ELK4: variants seen among roughly 807,000 people sequenced by gnomAD.
ELK4 encodes the protein ETS transcription factor ELK4.
A neutral mutation model predicts 29.6 loss-of-function variants in ELK4; 16 were observed. The observed-to-expected ratio is 0.54, with a 90% confidence interval of 0.37 to 0.82. The LOEUF (loss-of-function observed/expected upper bound fraction) is 0.82, where lower values mean the gene tolerates loss of function less well. Ranked by LOEUF, ELK4 falls within the 40% of genes least tolerant of loss-of-function variation. The pLI is 0.00. For missense variants in ELK4, 465 were observed against 507.1 expected, an observed-to-expected ratio of 0.92 and a Z score of 0.80; for synonymous variants, 213 against 191.1, an observed-to-expected ratio of 1.11 and a Z score of -0.95.
intron 1 of ELK4, among the ~76,000 whole-genome samples, chr1:205,628,283 T>C (rs1318464392): frequency 6.6e-6 from 1 of 152,254 alleles, no homozygotes; most frequent in African/African-American, 2.4e-5. Context: ...TGCCTAATGA[T>C]GGCAAGTTAC....
At chr1:205,616,676 T>C (rs756612519) in intron 4 of ELK4, 32 bp from the exon 5 acceptor site, 2 of 1,590,084 alleles carry the variant, frequency 1.3e-6, no homozygotes, top group Non-Finnish European at 1.7e-6. Context: ...ATTATCATCC[T>C]ATTACTCAAC....
In ELK4 at chr1:205,610,768, T is replaced by TAC. The variant is rs1670138561; in HGVS notation, c.*5776_*5777dup. On this transcript the variant is annotated 3_prime_UTR_variant, in exon 5 of 5. Coordinates refer to ENST00000357992, the MANE Select transcript of ELK4 (RefSeq NM_001973.4). Reference sequence around the variant, plus strand: ...TGTATGTTCCCTATGAAAACAGATTTACACGCGCACACACACACACACACA... The same window carrying TAC: ...TGTATGTTCCCTATGAAAACAGATTTACACACGCGCACACACACACACACACA... 1 of 231,222 alleles carries TAC rather than the reference T, an allele frequency of 4.3e-6. No homozygotes were observed. Among genetic ancestry groups the TAC allele is most frequent in the Non-Finnish European group, 8.5e-6 (1 of 117,548 alleles). The allele number at this position is 231,222 out of a possible 1,614,324, so 14.3% of individuals were successfully genotyped here.
Position 205,611,910 on chromosome 1 carries a change from A to G in ELK4, c.*4636T>C, listed in dbSNP as rs556809700. 2 of 187,010 alleles carry G rather than the reference A, an allele frequency of 1.1e-5. No homozygotes were observed. The highest frequency in any genetic ancestry group is 3.9e-4 in the South Asian group (2 of 5,160). The allele number at this position is 187,010 out of a possible 1,614,324, so 11.6% of individuals were successfully genotyped here. On this transcript the variant is annotated 3_prime_UTR_variant, in exon 5 of 5. Coordinates refer to ENST00000357992, the MANE Select transcript of ELK4 (RefSeq NM_001973.4). ...GAAAAGTATTCCTTTAGTTGCTGAAATATCAGATTTTAAAAATCAAAAACT... is the reference window on the plus strand; with the variant it reads ...GAAAAGTATTCCTTTAGTTGCTGAAGTATCAGATTTTAAAAATCAAAAACT...
intron 1 of ELK4, chr1:205,625,469 G>T: frequency 1.5e-6 from 1 of 659,912 alleles, no homozygotes; most frequent in East Asian, 2.8e-5. Context: ...TAGTTCAGCC[G>T]GGTTCCCAAC....
intron 1 of ELK4, chr1:205,626,117 C>A: frequency 1.2e-6 from 1 of 810,988 alleles, no homozygotes; most frequent in Non-Finnish European, 2.2e-6. Flanking sequence ...TCTTTCTCTA[C>A]GTTGCCTACA....
intron 4 of ELK4, among the ~76,000 whole-genome samples, chr1:205,617,761 C>T (rs1670258088): frequency 6.6e-6 from 1 of 151,916 alleles, no homozygotes; most frequent in Non-Finnish European, 1.5e-5. Context: ...ATTAGCCTAG[C>T]ATGGTGGCAC....
In ELK4 at chr1:205,624,742, C is replaced by T. The variant is rs114411959; in HGVS notation, c.-9-851G>A. Among the ~76,000 whole-genome samples the T allele has an allele frequency of 4.7e-3, 714 of 152,258 alleles. 9 individuals are homozygous for T. The highest frequency in any genetic ancestry group is 0.016 in the African/African-American group (676 of 41,542). On this transcript the variant is annotated intron_variant, in intron 1 of 4. Transcript: ENST00000357992. Reference sequence around the variant, plus strand: ...GTCCTGTACACTGCAGTTTGTCTAACAGCATACCCGGCCTCTACCCACTAG... The same window carrying T: ...GTCCTGTACACTGCAGTTTGTCTAATAGCATACCCGGCCTCTACCCACTAG...
At chr1:205,626,200 T>C in intron 1 of ELK4, 1 of 581,992 alleles carries the variant, frequency 1.7e-6, no homozygotes, top group Admixed American at 2.1e-5. Context: ...TACAGAGAGG[T>C]GGCCTCCCTT....
chr1:205,609,986 T>C lies in ELK4; in HGVS notation c.*6560A>G, dbSNP rs943906335. On this transcript the variant is annotated 3_prime_UTR_variant, in exon 5 of 5. Coordinates refer to ENST00000357992, the MANE Select transcript of ELK4 (RefSeq NM_001973.4). ...ACCCTCAATATCCTTAAGTTGAAAT[T>C]AAACAAACAAAATAATCATTAAGTG... The C allele has an allele frequency of 6.5e-5, 15 of 230,104 alleles. No individual in the cohort carries two copies. Among genetic ancestry groups the C allele is most frequent in the Non-Finnish European group, 1.1e-4 (13 of 116,144 alleles). 14.3% of individuals were successfully genotyped at this position (230,104 alleles called of 1,614,324 possible).
At position 205,616,367 on chromosome 1, in the gene ELK4, T is replaced by C. The variant is rs1473645206; in HGVS notation, c.*179A>G. 7.5e-6 allele frequency: 4 copies of C among 531,292 alleles called. No individual in the cohort carries two copies. The highest frequency in any genetic ancestry group is 2.9e-5 in the South Asian group (1 of 34,748). 32.9% of individuals were successfully genotyped at this position (531,292 alleles called of 1,614,324 possible). A position where few individuals can be genotyped will look rare whatever the true frequency, so the allele number is the denominator to read the frequency against. ...TCCAATTAAGGCATTTTTATACATATAGTCCAACTTGAGTCCTATTCAAAG... is the reference window on the plus strand; with the variant it reads ...TCCAATTAAGGCATTTTTATACATACAGTCCAACTTGAGTCCTATTCAAAG... On this transcript the variant is annotated 3_prime_UTR_variant, in exon 5 of 5. Transcript: ENST00000357992.
Position 205,623,898 on chromosome 1 carries a change from G to A in ELK4, c.-9-7C>T. ...CACTGTCCATAGCAATGAGCTGAAA[G>A]AATATAGATAAGATATGTGATAATA... On this transcript the variant is annotated splice_region_variant and splice_polypyrimidine_tract_variant and intron_variant, in intron 1 of 4. Transcript: ENST00000357992. 3.1e-6 allele frequency: 5 copies of A among 1,612,952 alleles called. No individual in the cohort carries two copies. The highest frequency in any genetic ancestry group is 1.1e-5 in the South Asian group (1 of 91,046).
chr1:205,625,666 G>C, intron 1 of ELK4: 1 of 852,494 alleles, frequency 1.2e-6, no homozygotes. Context: ...GGTCAGTTCT[G>C]CTGCTGCTGC....
chr1:205,620,061 G>A lies in ELK4; in HGVS notation c.985C>T (p.Pro329Ser). 6.2e-7 allele frequency: 1 copy of A among 1,614,248 alleles called. No homozygotes were observed. Among genetic ancestry groups the A allele is most frequent in the Non-Finnish European group, 8.5e-7 (1 of 1,180,044 alleles). Residue 329 changes from proline (P) to serine (S), a missense_variant, in exon 3 of 5, where the codon CCC becomes TCC. Physicochemically the swap from Pro to Ser is moderately conservative, Grantham distance 74. This residue lies in a region of ELK4 where 385 missense variants were observed against 387.5 expected (regional missense o/e 0.99). Coordinates refer to ENST00000357992, the MANE Select transcript of ELK4 (RefSeq NM_001973.4). ...TCACTGCTCGTGATCACAAGGGTGG[G>A]TGCCAGTTCTAACCCTTTGGGTTTC... ...SKKPKGLELA[P>S]TLVITSSDPS... is the part of the protein sequence containing the mutation.
In ELK4 at chr1:205,620,477, T is replaced by C. The variant is rs763834169; in HGVS notation, c.569A>G (p.Lys190Arg). The change falls in exon 3 of 5, where the codon AAA (lysine) becomes AGA (arginine). Residue 190 changes from lysine (K) to arginine (R), a missense_variant. This residue lies in a region of ELK4 where 385 missense variants were observed against 387.5 expected (regional missense o/e 0.99). Coordinates refer to ENST00000357992, the MANE Select transcript of ELK4 (RefSeq NM_001973.4). ...SPQEPTPSVI[K>R]FVTTPSKKPP... ...CTTTTTGGAAGGTGTCGTGACAAAT[T>C]TGATGACAGATGGTGTGGGCTCCTG... 3.7e-5 allele frequency: 59 copies of C among 1,614,048 alleles called. No homozygotes were observed. The Middle Eastern group carries it at 4.9e-4, about 13-fold the overall frequency.
chr1:205,624,127 C>G (rs753305377), intron 1 of ELK4, among the ~76,000 whole-genome samples: 17 of 152,198 alleles, frequency 1.1e-4, no homozygotes, highest in Non-Finnish European at 2.2e-4. Flanking sequence ...CCCAGGCAAT[C>G]TGGACCCAGA....
rs1670127535 is a variant in ELK4 at position 205,609,864 on chromosome 1, C to T, written c.*6682G>A. The stretch of plus-strand genomic sequence containing the variant: ...AGCCAAAAGGGCATACCTTACAGAG[C>T]CTAGAAGAATGGCTCATTAGGTAAC... On this transcript the variant is annotated 3_prime_UTR_variant, in exon 5 of 5. Coordinates refer to ENST00000357992, the MANE Select transcript of ELK4 (RefSeq NM_001973.4). 8.8e-6 allele frequency: 2 copies of T among 226,722 alleles called. No homozygotes were observed. Among genetic ancestry groups the T allele is most frequent in the Non-Finnish European group, 8.8e-6 (1 of 114,104 alleles). The allele number at this position is 226,722 out of a possible 1,614,324, so 14.0% of individuals were successfully genotyped here. A position where few individuals can be genotyped will look rare whatever the true frequency, so the allele number is the denominator to read the frequency against.
Position 205,623,723 on chromosome 1 carries a change from T to C in ELK4, c.160A>G (p.Met54Val), listed in dbSNP as rs1170458027. ...GCTCGGCTGAGTTTGTCATAATTCA[T>C]GTTAGGCTTGTTCTTGCGAATCCCC... Reference protein sequence around the residue: ...LWGIRKNKPNMNYDKLSRALR... With the variant: ...LWGIRKNKPNVNYDKLSRALR... The change falls in exon 2 of 5, where the codon ATG becomes GTG. Residue 54 changes from methionine to valine, a missense_variant. Physicochemically the swap from Met to Val is conservative, Grantham distance 21. Coordinates refer to ENST00000357992, the MANE Select transcript of ELK4 (RefSeq NM_001973.4). 1 of 1,614,036 alleles carries C rather than the reference T, an allele frequency of 6.2e-7. No individual in the cohort carries two copies. The highest frequency in any genetic ancestry group is 8.5e-7 in the Non-Finnish European group (1 of 1,180,044).
intron 1 of ELK4, among the ~76,000 whole-genome samples, chr1:205,626,797 A>C (rs1025162229): frequency 6.6e-6 from 1 of 152,220 alleles, no homozygotes; most frequent in Non-Finnish European, 1.5e-5. Flanking sequence ...TTCTACTCCT[A>C]GGTATATACC....
In ELK4 at chr1:205,631,719, C is replaced by A; in HGVS notation, c.-97G>T. ...CAGCCTCCTCCTCACGCTGGAAACT[C>A]GAGGACGGCGCGGCAGCCGCTGCGA... On this transcript the variant is annotated 5_prime_UTR_variant, in exon 1 of 5. An upstream open reading frame in the 5' UTR gains an earlier in-frame stop. Coordinates refer to ENST00000357992, the MANE Select transcript of ELK4 (RefSeq NM_001973.4). The A allele has an allele frequency of 3.1e-6, 1 of 326,146 alleles. No individual in the cohort carries two copies. The highest frequency in any genetic ancestry group is 2.1e-5 in the South Asian group (1 of 47,450). 20.2% of individuals were successfully genotyped at this position (326,146 alleles called of 1,614,324 possible).
Sources: gnomAD v4.1 joint callset for allele counts (sites outside exome capture counted in the v4.1 genomes callset) on GRCh38, gnomAD v4.1.1 for gene constraint, gnomAD v4.1.1 regional missense constraint, MANE v1.5 for transcripts, NCBI Gene and HGNC (gene_info 2026-07-23, HGNC 2026-07-21) for gene names.